Variants in GPR137C observed in about 807,000 individuals in gnomAD.
GPR137C encodes integral membrane protein GPR137C.
A neutral mutation model predicts 43.4 loss-of-function variants in GPR137C; 27 were observed. That is an observed-to-expected ratio of 0.62 (90% CI 0.46 to 0.86). GPR137C has a LOEUF of 0.86. GPR137C is among the 40% of genes least tolerant of loss of function. GPR137C has a pLI of 0.00. For missense variants in GPR137C, 522 were observed against 534.6 expected (o/e 0.98, Z 0.23); for synonymous variants, 285 against 226.9 (o/e 1.26, Z -2.30).
intron 6 of GPR137C, among the ~76,000 whole-genome samples, chr14:52,634,156 G>A (rs901734839): frequency 4.6e-5 from 7 of 152,206 alleles, no homozygotes; most frequent in Admixed American, 3.9e-4. Flanking sequence ...AAGCCTATAT[G>A]CCTTTTGGCT....
chr14:52,600,226 T>C lies in GPR137C; in HGVS notation c.602T>C (p.Val201Ala), dbSNP rs758477758. 3 of 1,613,696 alleles carry C rather than the reference T, an allele frequency of 1.9e-6. No individual in the cohort carries two copies. The highest frequency in any genetic ancestry group is 2.2e-5 in the East Asian group (1 of 44,866). The change falls in exon 3 of 7, where the codon GTG (valine) becomes GCG (alanine). Residue 201 changes from valine to alanine, a missense_variant. Val to Ala is a moderately conservative substitution (Grantham distance 64). Transcript: ENST00000321662. ...DVPENQLKWT[V>A]FVRALINDSL... ...CCAGAAAATCAGTTGAAGTGGACTGTGTTTGTTCGAGCATTAATTAATGAT... is the reference window on the plus strand; with the variant it reads ...CCAGAAAATCAGTTGAAGTGGACTGCGTTTGTTCGAGCATTAATTAATGAT...
chr14:52,596,485 G>C (rs939207699), intron 1 of GPR137C, among the ~76,000 whole-genome samples: 1 of 152,230 alleles, frequency 6.6e-6, no homozygotes, highest in South Asian at 2.1e-4. Context: ...TGCCCAGTTC[G>C]AGCTTCCTGG....
chr14:52,633,663 A>G lies in GPR137C; in HGVS notation c.993+8A>G. ...AGATTAAACCAGAATTTGGTATGATATAATATTCCCCAATGCCTGTTCTCC... is the reference window on the plus strand; with the variant it reads ...AGATTAAACCAGAATTTGGTATGATGTAATATTCCCCAATGCCTGTTCTCC... On this transcript the variant is annotated splice_region_variant and intron_variant, in intron 5 of 6. Coordinates refer to ENST00000321662, the MANE Select transcript of GPR137C (RefSeq NM_001099652.2). The G allele has an allele frequency of 6.2e-7, 1 of 1,612,380 alleles. No homozygotes were observed. Among genetic ancestry groups the G allele is most frequent in the Non-Finnish European group, 8.5e-7 (1 of 1,178,942 alleles).
intron 1 of GPR137C, among the ~76,000 whole-genome samples, chr14:52,571,334 G>T (rs750881557): frequency 6.6e-6 from 1 of 152,168 alleles, no homozygotes; most frequent in Non-Finnish European, 1.5e-5. Flanking sequence ...CATAGCTAAA[G>T]CAGTGTTTAG....
At chr14:52,621,516 T>G (rs2039160621) in intron 3 of GPR137C, among the ~76,000 whole-genome samples, 1 of 151,884 alleles carries the variant, frequency 6.6e-6, no homozygotes, top group African/African-American at 2.4e-5. Context: ...GTAAATATGA[T>G]TTTTAACTTC....
intron 3 of GPR137C, among the ~76,000 whole-genome samples, chr14:52,608,421 C>T (rs1184034395): frequency 6.6e-6 from 1 of 152,142 alleles, no homozygotes; most frequent in South Asian, 2.1e-4. Flanking sequence ...ACATTTTGAA[C>T]GTTTGATGGC....
At chr14:52,604,121 C>T (rs959180809) in intron 3 of GPR137C, among the ~76,000 whole-genome samples, 3 of 151,962 alleles carry the variant, frequency 2.0e-5, no homozygotes, top group Non-Finnish European at 2.9e-5. Context: ...TATCTTTTTG[C>T]TATTGATTGT....
intron 3 of GPR137C, among the ~76,000 whole-genome samples, chr14:52,617,474 T>C (rs1056932909): frequency 2.6e-5 from 4 of 151,258 alleles, no homozygotes; most frequent in Admixed American, 2.6e-4. Flanking sequence ...AGGTCAGGAG[T>C]TCAAGACCAG....
At chr14:52,618,625 A>T in intron 3 of GPR137C, among the ~76,000 whole-genome samples, 1 of 152,174 alleles carries the variant, frequency 6.6e-6, no homozygotes, top group East Asian at 1.9e-4. Flanking sequence ...TTTATCAGTT[A>T]TAAATCAATG....
At chr14:52,622,139 A>G (rs1237177089) in intron 3 of GPR137C, among the ~76,000 whole-genome samples, 2 of 151,972 alleles carry the variant, frequency 1.3e-5, no homozygotes, top group Non-Finnish European at 2.9e-5. Flanking sequence ...ACACATATAT[A>G]TAGTTGGAAA....
At chr14:52,592,824 C>G (rs2139510398) in intron 1 of GPR137C, among the ~76,000 whole-genome samples, 1 of 152,230 alleles carries the variant, frequency 6.6e-6, no homozygotes, top group South Asian at 2.1e-4. Context: ...CCCTTTATTT[C>G]TTTCTCTTGC....
chr14:52,594,052 A>G (rs2038818648), intron 1 of GPR137C, among the ~76,000 whole-genome samples: 1 of 152,218 alleles, frequency 6.6e-6, no homozygotes, highest in Admixed American at 6.5e-5. Context: ...TTGGTTTCAA[A>G]GAACATCTTT....
At chr14:52,609,588 T>C (rs184262040) in intron 3 of GPR137C, among the ~76,000 whole-genome samples, 3 of 152,336 alleles carry the variant, frequency 2.0e-5, no homozygotes, top group Admixed American at 2.0e-4. Flanking sequence ...GACTGACTTG[T>C]GTTTCCTGAG....
At chr14:52,600,608 T>TA (rs1468579338) in intron 3 of GPR137C, among the ~76,000 whole-genome samples, 4 of 152,096 alleles carry the variant, frequency 2.6e-5, no homozygotes, top group Non-Finnish European at 4.4e-5. Context: ...ATTGCTTTTT[T>TA]AAAAAATATC....
chr14:52,565,993 T>C (rs1341739167), intron 1 of GPR137C, among the ~76,000 whole-genome samples: 2 of 152,208 alleles, frequency 1.3e-5, no homozygotes, highest in African/African-American at 4.8e-5. Flanking sequence ...CTGATACTAA[T>C]AAAGCAATGC....
intron 1 of GPR137C, among the ~76,000 whole-genome samples, chr14:52,594,808 G>A (rs187080677): frequency 2.0e-5 from 3 of 152,076 alleles, no homozygotes; most frequent in African/African-American, 7.2e-5. Context: ...GGGGCATTTA[G>A]CCCATTTACA....
Position 52,633,962 on chromosome 14 carries a change from C to A in GPR137C, c.1112+16C>A. ...GAGAAGGAAGGTAGATGTAACAAAG[C>A]CACTTAGCCTGAATTACTATTGAAA... On this transcript the variant is annotated intron_variant, in intron 6 of 6. Coordinates refer to ENST00000321662, the MANE Select transcript of GPR137C (RefSeq NM_001099652.2). 3 of 1,375,152 alleles carry A rather than the reference C, an allele frequency of 2.2e-6. No homozygotes were observed. The highest frequency in any genetic ancestry group is 1.2e-5 in the South Asian group (1 of 84,660). 85.2% of individuals were successfully genotyped at this position (1,375,152 alleles called of 1,614,324 possible).
intron 1 of GPR137C, among the ~76,000 whole-genome samples, chr14:52,587,814 G>A (rs2038731799): frequency 6.6e-6 from 1 of 152,148 alleles, no homozygotes; most frequent in Non-Finnish European, 1.5e-5. Context: ...TAAACCGTAA[G>A]TTTGAAGGTA....
At chr14:52,619,353 A>G in intron 3 of GPR137C, among the ~76,000 whole-genome samples, 1 of 152,158 alleles carries the variant, frequency 6.6e-6, no homozygotes, top group East Asian at 1.9e-4. Context: ...TACAGACCGC[A>G]TTATCCCCTG....
Sources: allele counts gnomAD v4.1 joint callset (sites outside exome capture counted in the v4.1 genomes callset), GRCh38; gene constraint gnomAD v4.1.1; transcripts MANE v1.5; gene names NCBI Gene and HGNC (gene_info 2026-07-23, HGNC 2026-07-21).